UXS1: variants seen among roughly 807,000 people sequenced by gnomAD.
The protein encoded by UXS1 is UDP-glucuronate decarboxylase 1, also known as UDP-glucuronic acid decarboxylase 1.
In UXS1, 33 loss-of-function variants were observed where a neutral mutation model predicts 62.6. The ratio of observed to expected loss-of-function variants is 0.53; its 90% CI spans 0.40 to 0.70. The LOEUF is 0.70. UXS1 is among the 30% of genes least tolerant of loss of function. The pLI, the probability that UXS1 is intolerant of heterozygous loss-of-function variation, is 0.00. For missense variants in UXS1, 434 were observed against 556.3 expected, an observed-to-expected ratio of 0.78 and a Z score of 2.21; for synonymous variants, 213 against 206.8, an observed-to-expected ratio of 1.03 and a Z score of -0.26.
At chr2:106,161,063 G>A (rs1682858900) in intron 4 of UXS1, among the ~76,000 whole-genome samples, 1 of 152,214 alleles carries the variant, frequency 6.6e-6, no homozygotes, top group African/African-American at 2.4e-5. Context: ...GGGTGACAGA[G>A]CACAGTGACT....
At chr2:106,191,228 G>C (rs779315905) in intron 1 of UXS1, among the ~76,000 whole-genome samples, 25 of 152,204 alleles carry the variant, frequency 1.6e-4, no homozygotes, top group Non-Finnish European at 3.2e-4. Flanking sequence ...CAGAACTTGA[G>C]TTCTGTTCCC....
chr2:106,095,930 A>G (rs1222537628), intron 14 of UXS1, among the ~76,000 whole-genome samples: 1 of 152,214 alleles, frequency 6.6e-6, no homozygotes, highest in Non-Finnish European at 1.5e-5. Flanking sequence ...GTTCAGGCTC[A>G]GCCCCAGGGA....
chr2:106,112,544 G>C, intron 10 of UXS1, 102 bp downstream of exon 10: 1 of 1,506,494 alleles, frequency 6.6e-7, no homozygotes, highest in Non-Finnish European at 8.9e-7. Context: ...GGCAGCTTCA[G>C]AAGTGTCACT....
chr2:106,097,874 G>A lies in UXS1; in HGVS notation c.1042+842C>T, dbSNP rs1194680736. On this transcript the variant is annotated intron_variant, in intron 13 of 14. Transcript: ENST00000283148. The stretch of plus-strand genomic sequence containing the variant: ...GCTGTGGGAGCCACAGATGATGCAG[G>A]CTATGTCTGAGGAAGACCGCTGCTT... Among the ~76,000 whole-genome samples, 6 of 152,346 alleles carry A rather than the reference G, an allele frequency of 3.9e-5. No homozygotes were observed. In the East Asian group the frequency reaches 1.2e-3, roughly 29 times the overall value.
intron 5 of UXS1, among the ~76,000 whole-genome samples, chr2:106,152,494 AGAGG>A (rs10590942): frequency 0.88 from 91,026 of 103,920 alleles, 40,032 homozygotes; most frequent in Non-Finnish European, 0.93. Flanking sequence ...AGGGAGGGAG[AGAGG>A]GAGGGAGGGA....
intron 8 of UXS1, 93 bp downstream of exon 8, chr2:106,125,527 C>A: frequency 8.1e-7 from 1 of 1,229,242 alleles, no homozygotes; most frequent in South Asian, 2.4e-5. Flanking sequence ...GCAGGCTGGG[C>A]CTCCTCAGAA....
intron 10 of UXS1, among the ~76,000 whole-genome samples, chr2:106,109,420 G>T (rs1678393162): frequency 6.6e-6 from 1 of 152,166 alleles, no homozygotes; most frequent in African/African-American, 2.4e-5. Flanking sequence ...CCCTTTGGAA[G>T]AATAGCAAGG....
chr2:106,113,841 A>G (rs746628900), intron 9 of UXS1, among the ~76,000 whole-genome samples: 2 of 152,198 alleles, frequency 1.3e-5, no homozygotes, highest in Non-Finnish European at 2.9e-5. Context: ...TCGCAGCAAG[A>G]CTGGGAAAGA....
chr2:106,097,160 C>T (rs780524811), intron 13 of UXS1: 18 of 478,652 alleles, frequency 3.8e-5, no homozygotes, highest in Non-Finnish European at 7.0e-5. Flanking sequence ...CAAGTGCAGA[C>T]GTGCCCACCG....
chr2:106,138,660 G>T, intron 6 of UXS1: 1 of 985,500 alleles, frequency 1.0e-6, no homozygotes, highest in Non-Finnish European at 1.2e-6. Flanking sequence ...ATCTGGTTCA[G>T]TGTTTCTTCC....
chr2:106,175,280 T>G (rs1394873930), intron 1 of UXS1, among the ~76,000 whole-genome samples: 2 of 152,226 alleles, frequency 1.3e-5, no homozygotes, highest in African/African-American at 4.8e-5. Context: ...TGCATTCCAA[T>G]GCTGGACTGT....
At chr2:106,158,523 C>T (rs1682640160) in intron 4 of UXS1, among the ~76,000 whole-genome samples, 1 of 152,206 alleles carries the variant, frequency 6.6e-6, no homozygotes, top group South Asian at 2.1e-4. Context: ...CATCTAACCT[C>T]ACAGGCTCAA....
At chr2:106,125,083 G>A (rs918102823) in intron 8 of UXS1, among the ~76,000 whole-genome samples, 1 of 152,174 alleles carries the variant, frequency 6.6e-6, no homozygotes, top group South Asian at 2.1e-4. Context: ...CTCCTTCTCA[G>A]GCAGTGAAGG....
intron 7 of UXS1, among the ~76,000 whole-genome samples, chr2:106,126,490 C>A (rs1312432117): frequency 6.6e-6 from 1 of 152,072 alleles, no homozygotes; most frequent in Non-Finnish European, 1.5e-5. Flanking sequence ...CACATGCCCA[C>A]GAAGCACTGC....
Position 106,098,749 on chromosome 2 carries a change from G to C in UXS1, c.1009C>G (p.Leu337Val), listed in dbSNP as rs561137482. ...TTTTTAATTAACTGAGCAAATTCTA[G>C]GATTGTGTGTTCTTCTGGGTTCCCC... ...NLGNPEEHTI[L>V]EFAQLIKNLV... The change falls in exon 13 of 15, where the codon CTA (leucine) becomes GTA (valine). Residue 337 changes from leucine to valine, a missense_variant. Physicochemically the swap from Leu to Val is conservative, Grantham distance 32. This residue lies in a region of UXS1 where 209 missense variants were observed against 233.3 expected (regional missense o/e 0.90). Transcript: ENST00000283148. 1.2e-6 allele frequency: 2 copies of C among 1,611,938 alleles called. No individual in the cohort carries two copies. Among genetic ancestry groups the C allele is most frequent in the East Asian group, 2.2e-5 (1 of 44,836 alleles).
chr2:106,111,434 A>T (rs2104879773), intron 10 of UXS1, among the ~76,000 whole-genome samples: 1 of 152,322 alleles, frequency 6.6e-6, no homozygotes, highest in East Asian at 1.9e-4. Context: ...TATACAATGC[A>T]GTTGCCCTTG....
At chr2:106,138,823 C>T (rs1258721973) in intron 6 of UXS1, 1 of 985,452 alleles carries the variant, frequency 1.0e-6, no homozygotes, top group Non-Finnish European at 1.2e-6. Flanking sequence ...CCACCACCCC[C>T]CTCTCCTTTG....
At chr2:106,158,000 T>C in intron 5 of UXS1, 58 bp downstream of exon 5, 1 of 1,399,340 alleles carries the variant, frequency 7.1e-7, no homozygotes, top group Non-Finnish European at 9.9e-7. Context: ...GAATTATCTC[T>C]CAACGAAAAA....
intron 9 of UXS1, among the ~76,000 whole-genome samples, chr2:106,121,596 A>T (rs1679527713): frequency 1.3e-5 from 2 of 152,174 alleles, no homozygotes; most frequent in Non-Finnish European, 2.9e-5. Context: ...GAAACTTTTG[A>T]GTCAAGATAT....
Sources: allele counts gnomAD v4.1 joint callset (sites outside exome capture counted in the v4.1 genomes callset), GRCh38; gene constraint gnomAD v4.1.1; regional missense constraint gnomAD v4.1.1; transcripts MANE v1.5; gene names NCBI Gene and HGNC (gene_info 2026-07-23, HGNC 2026-07-21).